The following MAP3K4 variants were observed in gnomAD, a reference collection of about 807,000 sequenced individuals.
MAP3K4 encodes the protein mitogen-activated protein kinase kinase kinase 4, also known as MAP three kinase 1.
A neutral mutation model predicts 185.6 loss-of-function variants in MAP3K4; 67 were observed. The ratio of observed to expected loss-of-function variants is 0.36; its 90% CI spans 0.30 to 0.44. MAP3K4 has a LOEUF of 0.44. MAP3K4 is among the 20% of genes least tolerant of loss of function. The pLI is 1.00. For synonymous variants in MAP3K4, 702 were observed against 710.4 expected, an observed-to-expected ratio of 0.99 and a Z score of 0.19; for missense variants, 1,551 against 1,995.1, an observed-to-expected ratio of 0.78 and a Z score of 4.24.
chr6:161,019,060 A>G (rs1294928461), intron 1 of MAP3K4, among the ~76,000 whole-genome samples: 1 of 152,246 alleles, frequency 6.6e-6, no homozygotes, highest in Admixed American at 6.5e-5. Flanking sequence ...GAATAGTGTC[A>G]GGCGGTTAGC....
chr6:161,000,822 T>G (rs988438166), intron 1 of MAP3K4, among the ~76,000 whole-genome samples: 32 of 144,420 alleles, frequency 2.2e-4, no homozygotes, highest in African/African-American at 8.9e-4. Context: ...TACACACATG[T>G]GTATGCACAC....
intron 2 of MAP3K4, among the ~76,000 whole-genome samples, chr6:161,035,177 C>T (rs188874368): frequency 6.6e-6 from 1 of 152,208 alleles, no homozygotes; most frequent in Admixed American, 6.5e-5. Context: ...TAGAATTTAC[C>T]TGTTAATCTC....
At chr6:161,083,933 C>G (rs1296545936) in intron 6 of MAP3K4, among the ~76,000 whole-genome samples, 1 of 152,160 alleles carries the variant, frequency 6.6e-6, no homozygotes, top group Non-Finnish European at 1.5e-5. Flanking sequence ...TTACTAGATC[C>G]TAAGTTTTTT....
Position 161,098,175 on chromosome 6 carries a change from A to G in MAP3K4, c.3525-103A>G, listed in dbSNP as rs1057179639. 5.5e-6 allele frequency: 7 copies of G among 1,270,076 alleles called. No individual in the cohort carries two copies. The African/African-American group carries it at 1.1e-4, about 19-fold the overall frequency. 78.7% of individuals were successfully genotyped at this position (1,270,076 alleles called of 1,614,324 possible). A position where few individuals can be genotyped will look rare whatever the true frequency, so the allele number is the denominator to read the frequency against. On this transcript the variant is annotated intron_variant, in intron 16 of 26. Coordinates refer to ENST00000392142, the MANE Select transcript of MAP3K4 (RefSeq NM_005922.4). The surrounding 1 kb of genome is among the most constrained non-coding windows in gnomAD (Gnocchi z 4.4). ...AACAATTTGCATTTTATATTTTTAA[A>G]TATATTTCACCCCCTTGCCATATTT...
rs76344500 is a variant in MAP3K4, at chr6:161,107,703, A to T, written c.4049-196A>T. 6.6e-6 allele frequency among the ~76,000 whole-genome samples: 1 copy of T among 152,240 alleles called. No individual in the cohort carries two copies. The highest frequency in any genetic ancestry group is 1.5e-5 in the Non-Finnish European group (1 of 68,048). Reference sequence around the variant, plus strand: ...GATACTTGTAGGTAAGACATATTAAAGAGATTGCCTAAAACTTTAGTTATC... The same window carrying T: ...GATACTTGTAGGTAAGACATATTAATGAGATTGCCTAAAACTTTAGTTATC... On this transcript the variant is annotated intron_variant, in intron 20 of 26. Coordinates refer to ENST00000392142, the MANE Select transcript of MAP3K4 (RefSeq NM_005922.4). This position sits in a 1 kb window ranked among gnomAD's most constrained non-coding sequence, Gnocchi z 6.2.
At chr6:161,005,764 T>C (rs1781555021) in intron 1 of MAP3K4, among the ~76,000 whole-genome samples, 1 of 152,194 alleles carries the variant, frequency 6.6e-6, no homozygotes, top group Non-Finnish European at 1.5e-5. Flanking sequence ...AACACACTGA[T>C]AAGTCAGAGA....
chr6:161,093,888 A>G lies in MAP3K4; in HGVS notation c.3427+37A>G, dbSNP rs776433256. On this transcript the variant is annotated intron_variant, in intron 15 of 26. Coordinates refer to ENST00000392142, the MANE Select transcript of MAP3K4 (RefSeq NM_005922.4). The surrounding 1 kb of genome is among the most constrained non-coding windows in gnomAD (Gnocchi z 5.2). ...GTTAACAGCATTTCTTCTGGAACAT[A>G]ATGATTTGAGTGGACAGATCCTCTT... The G allele has an allele frequency of 6.8e-7, 1 of 1,469,768 alleles. No individual in the cohort carries two copies. The highest frequency in any genetic ancestry group is 1.2e-5 in the South Asian group (1 of 86,270). 91.0% of individuals were successfully genotyped at this position (1,469,768 alleles called of 1,614,324 possible). A position where few individuals can be genotyped will look rare whatever the true frequency, so the allele number is the denominator to read the frequency against.
chr6:161,109,955 T>C lies in MAP3K4; in HGVS notation c.4396+41T>C. 6.2e-7 allele frequency: 1 copy of C among 1,608,950 alleles called. No individual in the cohort carries two copies. ...CCTGGCTGCTGTGGGCCAGAGCCAC[T>C]GGTACCCAGCCCGTGGGAGGTGCTC... On this transcript the variant is annotated intron_variant, in intron 23 of 26. Transcript: ENST00000392142. This position sits in a 1 kb window ranked among gnomAD's most constrained non-coding sequence, Gnocchi z 5.7.
chr6:161,109,056 G>C lies in MAP3K4; in HGVS notation c.4236+197G>C. 2 of 1,487,100 alleles carry C rather than the reference G, an allele frequency of 1.3e-6. No homozygotes were observed. Among genetic ancestry groups the C allele is most frequent in the Non-Finnish European group, 1.8e-6 (2 of 1,102,622 alleles). The allele number at this position is 1,487,100 out of a possible 1,614,324, so 92.1% of individuals were successfully genotyped here. On this transcript the variant is annotated intron_variant, in intron 22 of 26. Transcript: ENST00000392142. The surrounding 1 kb of genome is among the most constrained non-coding windows in gnomAD (Gnocchi z 5.7). ...CCTCCTAAAATGTAAGTTGTAGACT[G>C]TAGTCATTAACCCGACATCATAAAG...
At chr6:161,045,105 A>G (rs1185744388) in intron 2 of MAP3K4, among the ~76,000 whole-genome samples, 1 of 152,204 alleles carries the variant, frequency 6.6e-6, no homozygotes, top group African/African-American at 2.4e-5. Context: ...TCCTTTTTGC[A>G]CAGTAGCTAG....
In MAP3K4 at chr6:161,084,885, G is replaced by A. The variant is rs541999151; in HGVS notation, c.2372+268G>A. On this transcript the variant is annotated intron_variant, in intron 7 of 26. Transcript: ENST00000392142. The surrounding 1 kb of genome is among the most constrained non-coding windows in gnomAD (Gnocchi z 4.6). ...CAACTGGCTGGGCGCGGTGGCTCACGCCTGTAATCCCAGTACTTTGGGAGG... is the reference window on the plus strand; with the variant it reads ...CAACTGGCTGGGCGCGGTGGCTCACACCTGTAATCCCAGTACTTTGGGAGG... Among the ~76,000 whole-genome samples, 2 of 152,232 alleles carry A rather than the reference G, an allele frequency of 1.3e-5. No homozygotes were observed. Among genetic ancestry groups the A allele is most frequent in the East Asian group, 1.9e-4 (1 of 5,174 alleles).
intron 1 of MAP3K4, among the ~76,000 whole-genome samples, chr6:160,997,463 T>C (rs758715787): frequency 6.6e-6 from 1 of 152,158 alleles, no homozygotes; most frequent in Non-Finnish European, 1.5e-5. Flanking sequence ...TTAAAAACTG[T>C]TTTTAAATAG....
chr6:161,006,974 A>G (rs536258266), intron 1 of MAP3K4, among the ~76,000 whole-genome samples: 1 of 152,304 alleles, frequency 6.6e-6, no homozygotes, highest in East Asian at 1.9e-4. Context: ...ATAACCCATT[A>G]ATTTGTTTAT....
intron 2 of MAP3K4, among the ~76,000 whole-genome samples, chr6:161,040,462 G>A (rs894530117): frequency 3.9e-5 from 6 of 152,206 alleles, no homozygotes; most frequent in Admixed American, 3.9e-4. Context: ...CAATCACGAG[G>A]ATTGTGGGTC....
chr6:161,048,370 G>T lies in MAP3K4; in HGVS notation c.344-246G>T. The T allele has an allele frequency of 1.5e-6, 1 of 645,216 alleles. No homozygotes were observed. Among genetic ancestry groups the T allele is most frequent in the Non-Finnish European group, 2.9e-6 (1 of 346,364 alleles). The allele number at this position is 645,216 out of a possible 1,614,324, so 40.0% of individuals were successfully genotyped here. ...TAGAGAGAAATAAACAGCTAGTTTA[G>T]GTAATTAGTTGTGAATATAAGAGAA... On this transcript the variant is annotated intron_variant, in intron 2 of 26. Coordinates refer to ENST00000392142, the MANE Select transcript of MAP3K4 (RefSeq NM_005922.4). The surrounding 1 kb of genome is among the most constrained non-coding windows in gnomAD (Gnocchi z 4.7).
intron 1 of MAP3K4, 53 bp downstream of exon 1, chr6:160,992,136 C>T: frequency 1.4e-6 from 2 of 1,470,882 alleles, no homozygotes. Flanking sequence ...CGGGTCCTGG[C>T]CCGAACTCGG....
rs201512185 is a variant in MAP3K4 at position 161,093,865 on chromosome 6, T to C, written c.3427+14T>C. 45 of 1,585,778 alleles carry C rather than the reference T, an allele frequency of 2.8e-5. No individual in the cohort carries two copies. The African/African-American group carries it at 4.3e-4, about 15-fold the overall frequency. On this transcript the variant is annotated intron_variant, in intron 15 of 26. Coordinates refer to ENST00000392142, the MANE Select transcript of MAP3K4 (RefSeq NM_005922.4). This position sits in a 1 kb window ranked among gnomAD's most constrained non-coding sequence, Gnocchi z 5.2. ...GTTTGTACCTTGGTAAGACAGCCGT[T>C]AACAGCATTTCTTCTGGAACATAAT...
At chr6:161,000,520 G>A (rs918674253) in intron 1 of MAP3K4, among the ~76,000 whole-genome samples, 5 of 152,186 alleles carry the variant, frequency 3.3e-5, no homozygotes, top group African/African-American at 1.2e-4. Flanking sequence ...TACAAGAATT[G>A]TAAAGATCAG....
In MAP3K4 at chr6:161,116,891, T is replaced by C; in HGVS notation, c.*21T>C. ...AATGAAGCCTAGTAGAATATGGACT[T>C]GGAAAATTCTCTTAATCACTACTGT... On this transcript the variant is annotated 3_prime_UTR_variant, in exon 27 of 27. Transcript: ENST00000392142. This position sits in a 1 kb window ranked among gnomAD's most constrained non-coding sequence, Gnocchi z 6.2. 6.2e-7 allele frequency: 1 copy of C among 1,609,502 alleles called. No individual in the cohort carries two copies. The highest frequency in any genetic ancestry group is 8.5e-7 in the Non-Finnish European group (1 of 1,175,734).
Sources: gnomAD v4.1 joint callset for allele counts (sites outside exome capture counted in the v4.1 genomes callset) on GRCh38, gnomAD v4.1.1 for gene constraint, Gnocchi (gnomAD v3.1) non-coding constraint, MANE v1.5 for transcripts, NCBI Gene and HGNC (gene_info 2026-07-23, HGNC 2026-07-21) for gene names.